Variants in ITGB3BP observed in about 807,000 individuals in gnomAD.
ITGB3BP encodes integrin subunit beta 3 binding protein, also known as centromere protein R.
ITGB3BP carries 27 observed loss-of-function variants against 29.1 expected under a neutral mutation model. The ratio of observed to expected loss-of-function variants is 0.93; its 90% CI spans 0.68 to 1.28. The LOEUF is 1.28. ITGB3BP is among the 50% of genes most tolerant of loss of function. ITGB3BP has a pLI of 0.00. For missense variants in ITGB3BP, 192 were observed against 200.2 expected, an observed-to-expected ratio of 0.96 and a Z score of 0.25; for synonymous variants, 61 against 61.4, an observed-to-expected ratio of 0.99 and a Z score of 0.03.
chr1:63,453,767 G>A (rs990817054), intron 7 of ITGB3BP, 151 bp downstream of exon 7: 1 of 557,758 alleles, frequency 1.8e-6, no homozygotes, highest in African/African-American at 2.0e-5. Flanking sequence ...CTTTTCAAAT[G>A]AGATTTGTGA....
At chr1:63,483,061 C>A (rs1029941692) in intron 3 of ITGB3BP, among the ~76,000 whole-genome samples, 2 of 152,052 alleles carry the variant, frequency 1.3e-5, no homozygotes, top group Non-Finnish European at 2.9e-5. Flanking sequence ...AGAAGGTTAT[C>A]GCTGAGAAAA....
At chr1:63,519,768 A>G (rs1485461956) in intron 1 of ITGB3BP, among the ~76,000 whole-genome samples, 2 of 152,100 alleles carry the variant, frequency 1.3e-5, no homozygotes, top group Non-Finnish European at 2.9e-5. Context: ...AGTAGCATCA[A>G]AATGATTACA....
chr1:63,522,443 C>T (rs1646474235), intron 1 of ITGB3BP, among the ~76,000 whole-genome samples: 1 of 152,138 alleles, frequency 6.6e-6, no homozygotes, highest in African/African-American at 2.4e-5. Flanking sequence ...CCCCACTCCC[C>T]CAACCTTTAA....
chr1:63,475,376 CAAG>C (rs1042858732), intron 4 of ITGB3BP, among the ~76,000 whole-genome samples: 3 of 152,112 alleles, frequency 2.0e-5, no homozygotes, highest in Admixed American at 6.5e-5. Flanking sequence ...GGCAACATGG[CAAG>C]AAAACATCTC....
chr1:63,454,863 A>C lies in ITGB3BP; in HGVS notation c.333+27T>G. The C allele has an allele frequency of 9.9e-7, 1 of 1,013,062 alleles. No individual in the cohort carries two copies. Among genetic ancestry groups the C allele is most frequent in the Non-Finnish European group, 1.5e-6 (1 of 663,280 alleles). The allele number at this position is 1,013,062 out of a possible 1,614,324, so 62.8% of individuals were successfully genotyped here. On this transcript the variant is annotated intron_variant, in intron 5 of 8. Coordinates refer to ENST00000271002, the MANE Select transcript of ITGB3BP (RefSeq NM_014288.5). This position sits in a 1 kb window ranked among gnomAD's most constrained non-coding sequence, Gnocchi z 4.1. ...TTCTTTCATTTTATCCTTTTCAAACAGGGTAGAAGTATGAAAAAATGCAAA... is the reference window on the plus strand; with the variant it reads ...TTCTTTCATTTTATCCTTTTCAAACCGGGTAGAAGTATGAAAAAATGCAAA...
chr1:63,458,798 C>A (rs970763968), intron 4 of ITGB3BP, among the ~76,000 whole-genome samples: 1 of 152,108 alleles, frequency 6.6e-6, no homozygotes, highest in African/African-American at 2.4e-5. Flanking sequence ...GGGAGGGACC[C>A]AGTAACTATT....
chr1:63,516,537 CTG>C (rs1646332368), intron 1 of ITGB3BP, among the ~76,000 whole-genome samples: 1 of 151,426 alleles, frequency 6.6e-6, no homozygotes, highest in East Asian at 1.9e-4. Flanking sequence ...CAATGAGACT[CTG>C]TCTTTACAAA....
intron 2 of ITGB3BP, among the ~76,000 whole-genome samples, chr1:63,506,253 C>T (rs1016364835): frequency 1.3e-5 from 2 of 152,132 alleles, no homozygotes; most frequent in African/African-American, 4.8e-5. Flanking sequence ...GAATTGATCC[C>T]TTTACCATTA....
chr1:63,461,230 G>C (rs897250691), intron 4 of ITGB3BP, among the ~76,000 whole-genome samples: 1 of 141,824 alleles, frequency 7.1e-6, no homozygotes, highest in Non-Finnish European at 1.5e-5. Context: ...CTCCAGCCTG[G>C]GCGACAGAGT....
intron 1 of ITGB3BP, among the ~76,000 whole-genome samples, chr1:63,521,816 T>A (rs572179742): frequency 2.6e-5 from 4 of 152,276 alleles, no homozygotes; most frequent in Non-Finnish European, 5.9e-5. Flanking sequence ...TTTTCATAGT[T>A]TTTTGGTTCC....
At chr1:63,485,061 T>G (rs1430562872) in intron 3 of ITGB3BP, among the ~76,000 whole-genome samples, 5 of 152,202 alleles carry the variant, frequency 3.3e-5, no homozygotes, top group Admixed American at 2.0e-4. Flanking sequence ...TAGTATTTGC[T>G]TTGTTTTCTT....
chr1:63,455,143 A>C (rs549597782), intron 4 of ITGB3BP, among the ~76,000 whole-genome samples, 175 bp from the exon 5 acceptor site: 84 of 152,256 alleles, frequency 5.5e-4, no homozygotes, highest in African/African-American at 1.9e-3. Flanking sequence ...TCCGATTCCC[A>C]CTGAGCAGTG....
chr1:63,463,325 C>T (rs1645049165), intron 4 of ITGB3BP, among the ~76,000 whole-genome samples: 1 of 143,936 alleles, frequency 6.9e-6, no homozygotes, highest in Admixed American at 7.0e-5. Context: ...TGTAACATAA[C>T]TACAGTGGTA....
chr1:63,470,742 ATAT>A (rs1645181874), intron 4 of ITGB3BP, among the ~76,000 whole-genome samples: 1 of 152,114 alleles, frequency 6.6e-6, no homozygotes, highest in African/African-American at 2.4e-5. Context: ...TTGGGTAAAT[ATAT>A]GTATACACTT....
chr1:63,490,821 A>G (rs1395001686), intron 2 of ITGB3BP, among the ~76,000 whole-genome samples: 1 of 152,204 alleles, frequency 6.6e-6, no homozygotes, highest in Non-Finnish European at 1.5e-5. Flanking sequence ...TTCAGGTAAC[A>G]TATTTTAATA....
At chr1:63,517,970 G>C (rs1000730480) in intron 1 of ITGB3BP, among the ~76,000 whole-genome samples, 16 of 152,138 alleles carry the variant, frequency 1.1e-4, no homozygotes, top group African/African-American at 3.6e-4. Flanking sequence ...CAATCTGCCT[G>C]TCTCAGCCTC....
intron 4 of ITGB3BP, among the ~76,000 whole-genome samples, chr1:63,469,757 A>G (rs1333201984): frequency 2.0e-5 from 3 of 152,260 alleles, no homozygotes; most frequent in Non-Finnish European, 4.4e-5. Flanking sequence ...TTAATCATAT[A>G]ACATGTCTGA....
intron 8 of ITGB3BP, chr1:63,446,460 G>C (rs1644792204): frequency 4.8e-6 from 1 of 207,734 alleles, no homozygotes; most frequent in South Asian, 1.3e-4. Context: ...AGAAACTATA[G>C]TCCACTTGTC....
chr1:63,473,640 G>A (rs1407413759), intron 4 of ITGB3BP, among the ~76,000 whole-genome samples: 98 of 127,310 alleles, frequency 7.7e-4, no homozygotes, highest in African/African-American at 2.7e-3. Flanking sequence ...CCCCCCGCCC[G>A]GCCAGCCGCC....
Sources: gnomAD v4.1 joint callset for allele counts (sites outside exome capture counted in the v4.1 genomes callset) on GRCh38, gnomAD v4.1.1 for gene constraint, Gnocchi (gnomAD v3.1) non-coding constraint, MANE v1.5 for transcripts, NCBI Gene and HGNC (gene_info 2026-07-23, HGNC 2026-07-21) for gene names.